The following ZBTB20 variants were observed in gnomAD, a reference collection of about 807,000 sequenced individuals.
The protein encoded by ZBTB20 is zinc finger and BTB domain-containing protein 20.
Under a neutral mutation model 56.9 loss-of-function variants are expected in ZBTB20, and 9 were observed. The observed-to-expected ratio is 0.16, with a 90% CI of 0.10 to 0.28. The LOEUF (loss-of-function observed/expected upper bound fraction) is 0.28. Among genes scored for constraint, ZBTB20 ranks in the 10% least tolerant of loss-of-function variants. ZBTB20 has a pLI of 1.00. For synonymous variants in ZBTB20, 417 were observed against 420.7 expected (o/e 0.99, Z 0.11); for missense variants, 655 against 1,003.0 (o/e 0.65, Z 4.69).
chr3:114,937,777 G>A (rs1487035990), intron 3 of ZBTB20, among the ~76,000 whole-genome samples: 2 of 151,986 alleles, frequency 1.3e-5, no homozygotes, highest in Non-Finnish European at 2.9e-5. Context: ...GTTTTGATAG[G>A]GTTGTTTGTT....
chr3:114,517,498 C>T (rs1314785218), intron 6 of ZBTB20, among the ~76,000 whole-genome samples: 4 of 151,954 alleles, frequency 2.6e-5, no homozygotes, highest in Admixed American at 2.6e-4. Flanking sequence ...AAACCACAGG[C>T]AGTGTGCAGG....
At chr3:114,344,614 G>T (rs2080044491) in intron 11 of ZBTB20, among the ~76,000 whole-genome samples, 1 of 152,162 alleles carries the variant, frequency 6.6e-6, no homozygotes, top group South Asian at 2.1e-4. Context: ...TGAGGCTTAG[G>T]TCAGTTACAG....
At chr3:114,971,722 G>A (rs2077891958) in intron 3 of ZBTB20, among the ~76,000 whole-genome samples, 1 of 152,184 alleles carries the variant, frequency 6.6e-6, no homozygotes, top group African/African-American at 2.4e-5. Context: ...AAGGTAATAG[G>A]AGCTTTGTAT....
At chr3:114,350,177 A>G in intron 11 of ZBTB20, 97 bp downstream of exon 11, 1 of 1,491,668 alleles carries the variant, frequency 6.7e-7, no homozygotes, top group Non-Finnish European at 9.0e-7. Flanking sequence ...AATCTGAAAG[A>G]TGATCCCAAA....
At chr3:114,844,860 C>CTTTTTTTTTTTTTT (rs11396350) in intron 4 of ZBTB20, among the ~76,000 whole-genome samples, 1 of 130,420 alleles carries the variant, frequency 7.7e-6, no homozygotes, top group African/African-American at 2.9e-5. Context: ...TTTTCTTTTT[C>CTTTTTTTTTTTTTT]TTTTTTTTTT....
At chr3:114,383,141 G>A (rs1292855365) in intron 8 of ZBTB20, among the ~76,000 whole-genome samples, 1 of 152,232 alleles carries the variant, frequency 6.6e-6, no homozygotes, top group Non-Finnish European at 1.5e-5. Flanking sequence ...CTTTAAGTCT[G>A]TGAGGGGTAT....
chr3:114,900,279 A>G (rs2075057179), intron 4 of ZBTB20, 25 bp downstream of exon 4: 1 of 152,092 alleles, frequency 6.6e-6, no homozygotes, highest in Non-Finnish European at 1.5e-5. Context: ...AGATTTACAT[A>G]GTTATAGGTA....
chr3:114,741,400 T>A (rs1297715070), intron 5 of ZBTB20, among the ~76,000 whole-genome samples: 1 of 152,152 alleles, frequency 6.6e-6, no homozygotes, highest in African/African-American at 2.4e-5. Context: ...AAAAACATAA[T>A]TTCTATGTTA....
At chr3:115,112,919 TAA>T (rs1419379880) in intron 1 of ZBTB20, among the ~76,000 whole-genome samples, 1 of 152,182 alleles carries the variant, frequency 6.6e-6, no homozygotes, top group Non-Finnish European at 1.5e-5. Flanking sequence ...CAACAGTGTA[TAA>T]GAGTTCCCTT....
intron 7 of ZBTB20, among the ~76,000 whole-genome samples, chr3:114,389,602 A>G (rs2085581892): frequency 6.6e-6 from 1 of 152,078 alleles, no homozygotes; most frequent in Non-Finnish European, 1.5e-5. Context: ...TAAAATATGC[A>G]TTACCGGCTG....
At chr3:114,879,735 C>T (rs1022225305) in intron 4 of ZBTB20, among the ~76,000 whole-genome samples, 23 of 152,114 alleles carry the variant, frequency 1.5e-4, no homozygotes, top group African/African-American at 2.2e-4. Flanking sequence ...TGGTATCCGA[C>T]GTCAGACCTA....
At chr3:114,868,258 ACTTCTCAGCAT>A (rs1295696134) in intron 4 of ZBTB20, among the ~76,000 whole-genome samples, 1 of 152,148 alleles carries the variant, frequency 6.6e-6, no homozygotes, top group Non-Finnish European at 1.5e-5. Context: ...CAGCTGACAA[ACTTCTCAGCAT>A]CAGAGCACTT....
In ZBTB20 at chr3:114,315,101, C is replaced by T. The variant is rs1241246941; in HGVS notation, c.*23904G>A. 1.3e-5 allele frequency: 2 copies of T among 152,028 alleles called. No homozygotes were observed. The highest frequency in any genetic ancestry group is 2.9e-5 in the Non-Finnish European group (2 of 68,016). The allele number at this position is 152,028 out of a possible 1,614,324, so 9.4% of individuals were successfully genotyped here. On this transcript the variant is annotated 3_prime_UTR_variant, in exon 12 of 12. Coordinates refer to ENST00000675478, the MANE Select transcript of ZBTB20 (RefSeq NM_001348800.3). ...ATGAGAAAAAAAAAGGAACAAACTC[C>T]CTCTCAAAACTATTGACCTGCTCAT...
chr3:115,044,394 T>C (rs1049899867), intron 2 of ZBTB20, among the ~76,000 whole-genome samples: 1 of 152,208 alleles, frequency 6.6e-6, no homozygotes, highest in Non-Finnish European at 1.5e-5. Context: ...AGGCATACTT[T>C]TTTCCAAGCT....
At chr3:114,939,666 A>G (rs182392152) in intron 3 of ZBTB20, among the ~76,000 whole-genome samples, 2 of 146,582 alleles carry the variant, frequency 1.4e-5, no homozygotes, top group East Asian at 3.9e-4. Flanking sequence ...TATAGAAGAG[A>G]AAACAAAGAA....
chr3:114,463,740 A>G (rs995314837), intron 7 of ZBTB20, among the ~76,000 whole-genome samples: 2 of 152,214 alleles, frequency 1.3e-5, no homozygotes, highest in African/African-American at 4.8e-5. Flanking sequence ...AAGAACAGGA[A>G]CATGTAGTCT....
chr3:114,339,191 G>C lies in ZBTB20; in HGVS notation c.2040C>G (p.His680Gln), dbSNP rs748454733. ...CATTGCTGGCACTGTGCAGGGCCAC[G>C]TGTCGCTCCAGGAGGGTCTTGTGAG... ...KFSHKTLLER[H>Q]VALHSASNGT... The change falls in exon 12 of 12, where the codon CAC (histidine) becomes CAG (glutamine). Residue 680 changes from histidine to glutamine, a missense_variant. By Grantham distance (24) the His-to-Gln change is conservative (BLOSUM62 0). Transcript: ENST00000675478. The surrounding 1 kb of genome is among the most constrained non-coding windows in gnomAD (Gnocchi z 4.2). 1 of 1,614,122 alleles carries C rather than the reference G, an allele frequency of 6.2e-7. No individual in the cohort carries two copies. Among genetic ancestry groups the C allele is most frequent in the Non-Finnish European group, 8.5e-7 (1 of 1,180,050 alleles).
chr3:114,321,751 TC>T lies in ZBTB20; in HGVS notation c.*17253del, dbSNP rs1424349649. 2.0e-5 allele frequency: 3 copies of T among 152,236 alleles called. No individual in the cohort carries two copies. The highest frequency in any genetic ancestry group is 6.5e-5 in the Admixed American group (1 of 15,284). The allele number at this position is 152,236 out of a possible 1,614,324, so 9.4% of individuals were successfully genotyped here. ...CTTTGAGCTGTCCTTGGTTTTTCTC[TC>T]AGTCAGTTGCTCCAGTTTAAAGGAG... On this transcript the variant is annotated 3_prime_UTR_variant, in exon 12 of 12. Transcript: ENST00000675478.
At chr3:114,554,422 G>T (rs2050952303) in intron 6 of ZBTB20, among the ~76,000 whole-genome samples, 1 of 152,116 alleles carries the variant, frequency 6.6e-6, no homozygotes, top group Admixed American at 6.6e-5. Flanking sequence ...TTTCAGAAGG[G>T]CTTATCTTCA....
Sources: gnomAD v4.1 joint callset for allele counts (sites outside exome capture counted in the v4.1 genomes callset) on GRCh38, gnomAD v4.1.1 for gene constraint, Gnocchi (gnomAD v3.1) non-coding constraint, MANE v1.5 for transcripts, NCBI Gene and HGNC (gene_info 2026-07-23, HGNC 2026-07-21) for gene names.